Variants in PTPRM observed in about 807,000 individuals in gnomAD.
PTPRM encodes the protein receptor-type tyrosine-protein phosphatase mu.
PTPRM carries 47 observed loss-of-function variants against 186.7 expected under a neutral mutation model. The ratio of observed to expected loss-of-function variants is 0.25; its 90% confidence interval spans 0.20 to 0.32. The LOEUF (loss-of-function observed/expected upper bound fraction) is 0.32, where lower values mean the gene tolerates loss of function less well. Ranked by LOEUF, PTPRM falls within the 10% of genes least tolerant of loss-of-function variation. The pLI is 1.00. For missense variants in PTPRM, 1,494 were observed against 1,865.0 expected (o/e 0.80, Z 3.66); for synonymous variants, 668 against 674.9 (o/e 0.99, Z 0.16).
chr18:7,733,975 T>C (rs888169766), intron 1 of PTPRM, among the ~76,000 whole-genome samples: 1 of 152,244 alleles, frequency 6.6e-6, no homozygotes, highest in Non-Finnish European at 1.5e-5. Context: ...GGGATTTGGC[T>C]GTCTGCTGCC....
rs572965966 is a variant in PTPRM at position 7,776,781 on chromosome 18, A to G, written c.196+2510A>G. On this transcript the variant is annotated intron_variant, in intron 2 of 32. Transcript: ENST00000580170. ...TATCAACCCAATATTTTATAAAAGAATGTGGAGCTGTGCCCAGCTGACCCA... is the reference window on the plus strand; with the variant it reads ...TATCAACCCAATATTTTATAAAAGAGTGTGGAGCTGTGCCCAGCTGACCCA... 1.7e-3 allele frequency among the ~76,000 whole-genome samples: 252 copies of G among 152,320 alleles called. 4 individuals carry two copies. In the South Asian group the frequency reaches 0.051, roughly 31 times the overall value.
chr18:7,815,420 G>A (rs1446064497), intron 2 of PTPRM: 1 of 152,196 alleles, frequency 6.6e-6, no homozygotes, highest in Admixed American at 6.5e-5. Flanking sequence ...CTGTGAAGGT[G>A]GGAAAATTGA....
At chr18:7,924,737 C>CTAA in intron 4 of PTPRM, among the ~76,000 whole-genome samples, 1 of 152,214 alleles carries the variant, frequency 6.6e-6, no homozygotes, top group African/African-American at 2.4e-5. Context: ...ATGAGAAGGC[C>CTAA]TAACCACAAG....
intron 7 of PTPRM, among the ~76,000 whole-genome samples, chr18:8,020,045 G>C (rs1568195859): frequency 6.6e-6 from 1 of 151,938 alleles, no homozygotes; most frequent in East Asian, 1.9e-4. Context: ...TATTGCCAAG[G>C]AGAAGGCTTG....
At chr18:7,868,243 A>C (rs538440155) in intron 2 of PTPRM, among the ~76,000 whole-genome samples, 1 of 152,204 alleles carries the variant, frequency 6.6e-6, no homozygotes, top group East Asian at 1.9e-4. Context: ...CCCACTGGTG[A>C]GGAGTTGTGA....
At position 7,863,832 on chromosome 18, in the gene PTPRM, C is replaced by T. The variant is rs142629073; in HGVS notation, c.197-24274C>T. On this transcript the variant is annotated intron_variant, in intron 2 of 32. Transcript: ENST00000580170. ...CTCCCACCAACAGTGTAAAAGCATTCCTATTTCTCCACATCCTCTCCAGCA... is the reference window on the plus strand; with the variant it reads ...CTCCCACCAACAGTGTAAAAGCATTTCTATTTCTCCACATCCTCTCCAGCA... 7.1e-3 allele frequency among the ~76,000 whole-genome samples: 1,076 copies of T among 152,258 alleles called. 7 individuals are homozygous for T. The highest frequency in any genetic ancestry group is 0.025 in the African/African-American group (1,043 of 41,546).
intron 19 of PTPRM, among the ~76,000 whole-genome samples, chr18:8,256,256 TG>T (rs2094573813): frequency 6.6e-6 from 1 of 152,158 alleles, no homozygotes; most frequent in Non-Finnish European, 1.5e-5. Context: ...GGCTGTGGTT[TG>T]GAACACAGGC....
intron 1 of PTPRM, among the ~76,000 whole-genome samples, chr18:7,651,639 C>T (rs1480422955): frequency 1.3e-5 from 2 of 151,874 alleles, no homozygotes; most frequent in African/African-American, 4.8e-5. Context: ...CTGAGAAAAA[C>T]AAGCAATGGG....
chr18:7,810,526 T>C (rs2044457349), intron 2 of PTPRM, among the ~76,000 whole-genome samples: 1 of 152,172 alleles, frequency 6.6e-6, no homozygotes, highest in African/African-American at 2.4e-5. Flanking sequence ...TTGTGCTTGA[T>C]TCATAAAGCA....
intron 5 of PTPRM, among the ~76,000 whole-genome samples, chr18:7,943,144 C>G (rs533168735): frequency 6.6e-6 from 1 of 152,264 alleles, no homozygotes; most frequent in South Asian, 2.1e-4. Flanking sequence ...TGCTTCCTCT[C>G]CTGTTGCCTC....
In PTPRM at chr18:8,065,655, A is replaced by C. The variant is rs533339831; in HGVS notation, c.1133-4031A>C. ...GAGTGTGAAGAAAAATGGCTTTGCT[A>C]TCAATTCCATTCTCAGTAGCATCCT... On this transcript the variant is annotated intron_variant, in intron 7 of 32. Transcript: ENST00000580170. Among the ~76,000 whole-genome samples the C allele has an allele frequency of 5.9e-5, 9 of 152,334 alleles. No individual in the cohort carries two copies. In the East Asian group the frequency reaches 1.5e-3, roughly 26 times the overall value.
intron 1 of PTPRM, among the ~76,000 whole-genome samples, chr18:7,733,241 C>T (rs1007867449): frequency 6.6e-6 from 1 of 152,006 alleles, no homozygotes; most frequent in Non-Finnish European, 1.5e-5. Context: ...TCCCTTGCCC[C>T]CCACCCTCCA....
At chr18:8,323,154 A>G (rs879312286) in intron 22 of PTPRM, among the ~76,000 whole-genome samples, 2 of 152,150 alleles carry the variant, frequency 1.3e-5, no homozygotes, top group African/African-American at 4.8e-5. Flanking sequence ...TTTAAAACTT[A>G]CCTCAAGAGT....
intron 19 of PTPRM, among the ~76,000 whole-genome samples, chr18:8,282,207 T>G (rs2094911257): frequency 6.6e-6 from 1 of 151,850 alleles, no homozygotes; most frequent in Non-Finnish European, 1.5e-5. Context: ...AACATGAAAA[T>G]TATGACCATG....
chr18:8,232,586 C>T (rs1212965608), intron 14 of PTPRM, among the ~76,000 whole-genome samples: 4 of 152,090 alleles, frequency 2.6e-5, no homozygotes, highest in African/African-American at 9.7e-5. Context: ...TGCAGTGGTA[C>T]GATCTTGGCT....
intron 2 of PTPRM, among the ~76,000 whole-genome samples, chr18:7,886,451 C>T (rs1042695350): frequency 6.6e-5 from 10 of 152,140 alleles, no homozygotes; most frequent in South Asian, 2.1e-4. Context: ...CAGATAGGTT[C>T]GCTTGTGACT....
At chr18:7,746,426 T>C (rs1269346434) in intron 1 of PTPRM, among the ~76,000 whole-genome samples, 2 of 152,112 alleles carry the variant, frequency 1.3e-5, no homozygotes, top group African/African-American at 2.4e-5. Flanking sequence ...ATTCAGATAT[T>C]TTCAGATATG....
At chr18:8,246,485 T>G (rs573236702) in intron 15 of PTPRM, among the ~76,000 whole-genome samples, 6 of 152,278 alleles carry the variant, frequency 3.9e-5, no homozygotes, top group Non-Finnish European at 8.8e-5. Flanking sequence ...TGCTAGAAGA[T>G]GAAAATATTT....
intron 14 of PTPRM, among the ~76,000 whole-genome samples, chr18:8,170,908 A>T (rs2093390681): frequency 6.6e-6 from 1 of 152,220 alleles, no homozygotes; most frequent in Non-Finnish European, 1.5e-5. Context: ...AAAACCATTC[A>T]TCCATACTTA....
Sources: gnomAD v4.1 joint callset for allele counts (sites outside exome capture counted in the v4.1 genomes callset) on GRCh38, gnomAD v4.1.1 for gene constraint, MANE v1.5 for transcripts, NCBI Gene and HGNC (gene_info 2026-07-23, HGNC 2026-07-21) for gene names.